The following CTNND2 variants were observed in gnomAD, a reference collection of about 807,000 sequenced individuals.
The protein encoded by CTNND2 is catenin delta-2.
A neutral mutation model predicts 144.4 loss-of-function variants in CTNND2; 22 were observed. That is an observed-to-expected ratio of 0.15 (90% CI 0.11 to 0.22). The LOEUF is 0.22. Among genes scored for constraint, CTNND2 ranks in the 10% least tolerant of loss-of-function variants. CTNND2 has a pLI of 1.00. For missense variants in CTNND2, 1,353 were observed against 1,618.8 expected (o/e 0.84, Z 2.82); for synonymous variants, 751 against 695.6 (o/e 1.08, Z -1.25).
intron 21 of CTNND2, among the ~76,000 whole-genome samples, chr5:10,979,652 A>G (rs1347248541): frequency 6.6e-6 from 1 of 152,176 alleles, no homozygotes; most frequent in Non-Finnish European, 1.5e-5. Flanking sequence ...TAACACACAC[A>G]TATACTCTCT....
At chr5:11,738,144 G>A (rs1787798353) in intron 1 of CTNND2, among the ~76,000 whole-genome samples, 2 of 152,196 alleles carry the variant, frequency 1.3e-5, no homozygotes, top group Admixed American at 6.5e-5. Flanking sequence ...CAGGTCTCAG[G>A]AGGAGGCATG....
intron 18 of CTNND2, among the ~76,000 whole-genome samples, chr5:10,995,822 A>G (rs1181157990): frequency 6.6e-6 from 1 of 152,218 alleles, no homozygotes; most frequent in East Asian, 1.9e-4. Flanking sequence ...GGCCATGGAC[A>G]TGGGGAAGAG....
At chr5:11,374,683 G>A (rs10054338) in intron 7 of CTNND2, among the ~76,000 whole-genome samples, 11,199 of 151,334 alleles carry the variant, frequency 0.074, 794 homozygotes, top group African/African-American at 0.17. Flanking sequence ...TATTCCAACA[G>A]TGCATCTGGA....
At chr5:11,355,714 T>C (rs1248952756) in intron 8 of CTNND2, among the ~76,000 whole-genome samples, 2 of 152,072 alleles carry the variant, frequency 1.3e-5, no homozygotes, top group Non-Finnish European at 2.9e-5. Flanking sequence ...ACAAAAGGCA[T>C]TGAAATTGGA....
At chr5:11,132,082 C>G (rs1294776193) in intron 12 of CTNND2, among the ~76,000 whole-genome samples, 1 of 152,214 alleles carries the variant, frequency 6.6e-6, no homozygotes, top group Non-Finnish European at 1.5e-5. Context: ...ACTGCATATA[C>G]TCTCACATAC....
intron 3 of CTNND2, among the ~76,000 whole-genome samples, chr5:11,537,968 T>C (rs1022342376): frequency 1.3e-5 from 2 of 152,232 alleles, no homozygotes; most frequent in Non-Finnish European, 2.9e-5. Flanking sequence ...ACGCTGTTAC[T>C]AGAATATTCT....
At chr5:11,570,325 T>G (rs1375634565) in intron 2 of CTNND2, among the ~76,000 whole-genome samples, 1 of 152,228 alleles carries the variant, frequency 6.6e-6, no homozygotes, top group East Asian at 1.9e-4. Context: ...CTTCCGTGGA[T>G]TCCTGTCTCC....
chr5:11,503,418 T>C (rs1422047737), intron 3 of CTNND2, among the ~76,000 whole-genome samples: 1 of 152,240 alleles, frequency 6.6e-6, no homozygotes, highest in Non-Finnish European at 1.5e-5. Context: ...CAATGGCCTA[T>C]GTGACCCTCA....
chr5:11,725,995 T>C (rs533575215), intron 2 of CTNND2, among the ~76,000 whole-genome samples: 18 of 152,326 alleles, frequency 1.2e-4, no homozygotes, highest in African/African-American at 1.7e-4. Flanking sequence ...GCACTGACTA[T>C]TTTACCCCAG....
intron 12 of CTNND2, among the ~76,000 whole-genome samples, chr5:11,130,265 C>A (rs892959648): frequency 6.6e-5 from 10 of 152,088 alleles, no homozygotes; most frequent in Admixed American, 3.3e-4. Flanking sequence ...CCACACCCCC[C>A]CCATCCACCC....
intron 1 of CTNND2, among the ~76,000 whole-genome samples, chr5:11,892,820 G>A (rs1737083370): frequency 1.3e-5 from 2 of 152,132 alleles, no homozygotes; most frequent in African/African-American, 4.8e-5. Flanking sequence ...GATATTCCAA[G>A]AATCAGTGAA....
chr5:11,428,864 C>G (rs1763022102), intron 3 of CTNND2, among the ~76,000 whole-genome samples: 1 of 152,194 alleles, frequency 6.6e-6, no homozygotes, highest in South Asian at 2.1e-4. Flanking sequence ...TAAGAACATT[C>G]AAGAATCAGT....
At chr5:11,211,966 C>T (rs1289415942) in intron 10 of CTNND2, among the ~76,000 whole-genome samples, 2 of 152,028 alleles carry the variant, frequency 1.3e-5, no homozygotes, top group East Asian at 1.9e-4. Flanking sequence ...TTTAAGTCAT[C>T]TCAAGACTTT....
intron 12 of CTNND2, among the ~76,000 whole-genome samples, chr5:11,126,118 A>G (rs1385512080): frequency 1.3e-5 from 2 of 152,192 alleles, no homozygotes; most frequent in African/African-American, 4.8e-5. Flanking sequence ...CCTGACCAAC[A>G]TGGAGAATCC....
chr5:11,154,934 T>C (rs149262004), intron 12 of CTNND2, among the ~76,000 whole-genome samples: 42 of 152,338 alleles, frequency 2.8e-4, no homozygotes, highest in Admixed American at 6.5e-4. Flanking sequence ...GTCCTCTTTT[T>C]ATAAGATGCC....
At chr5:11,306,764 G>T (rs1268061675) in intron 9 of CTNND2, among the ~76,000 whole-genome samples, 1 of 152,198 alleles carries the variant, frequency 6.6e-6, no homozygotes, top group East Asian at 1.9e-4. Flanking sequence ...ATGCCAAAAT[G>T]CCTCAAAGGT....
At chr5:11,196,521 G>T (rs368229300) in intron 11 of CTNND2, among the ~76,000 whole-genome samples, 2 of 152,172 alleles carry the variant, frequency 1.3e-5, no homozygotes, top group African/African-American at 2.4e-5. Context: ...GAAGTAAGGG[G>T]TATAGTTCTT....
At chr5:11,878,167 T>C (rs1184185115) in intron 1 of CTNND2, among the ~76,000 whole-genome samples, 1 of 152,220 alleles carries the variant, frequency 6.6e-6, no homozygotes, top group East Asian at 1.9e-4. Context: ...ATTATATCCT[T>C]TCTAGTTTTT....
At chr5:11,855,228 C>T (rs78156383) in intron 1 of CTNND2, among the ~76,000 whole-genome samples, 1,691 of 152,270 alleles carry the variant, frequency 0.011, 48 homozygotes, top group African/African-American at 0.038. Context: ...TCTTATGTTA[C>T]CTAGAGATAC....
Sources: gnomAD v4.1 joint callset for allele counts (sites outside exome capture counted in the v4.1 genomes callset) on GRCh38, gnomAD v4.1.1 for gene constraint, MANE v1.5 for transcripts, NCBI Gene and HGNC (gene_info 2026-07-23, HGNC 2026-07-21) for gene names.